SLCO5A1: variants seen among roughly 807,000 people sequenced by gnomAD.
The protein encoded by SLCO5A1 is organic anion transporter polypeptide-related protein 4.
In SLCO5A1, 39 loss-of-function variants were observed where a neutral mutation model predicts 65.1. That is an observed-to-expected ratio of 0.60 (90% CI 0.46 to 0.78). SLCO5A1 has a LOEUF of 0.78. SLCO5A1 is among the 30% of genes least tolerant of loss of function. The pLI is 0.00. For synonymous variants in SLCO5A1, 438 were observed against 415.7 expected, an observed-to-expected ratio of 1.05 and a Z score of -0.65; for missense variants, 1,029 against 1,069.4, an observed-to-expected ratio of 0.96 and a Z score of 0.53.
chr8:69,728,636 A>G (rs749850073), intron 5 of SLCO5A1, among the ~76,000 whole-genome samples: 144 of 152,306 alleles, frequency 9.5e-4, no homozygotes, highest in Non-Finnish European at 1.2e-3. Flanking sequence ...CTTCTGTGCT[A>G]TATGTCTTAT....
chr8:69,828,276 T>TTA lies in SLCO5A1; in HGVS notation c.907+3490_907+3491insTA, dbSNP rs1491381732. ...ACGCATTCATCATTTTTTTTTTTTT[T>TTA]AAAAAAAAAGCAATTTAATCAGTAT... On this transcript the variant is annotated intron_variant, in intron 2 of 9. Coordinates refer to ENST00000260126, the MANE Select transcript of SLCO5A1 (RefSeq NM_030958.3). Among the ~76,000 whole-genome samples the TTA allele has an allele frequency of 4.6e-5, 6 of 131,776 alleles. No individual in the cohort carries two copies. In the East Asian group the frequency reaches 1.3e-3, roughly 29 times the overall value. 86.5% of individuals were successfully genotyped at this position (131,776 alleles called of 152,430 possible).
chr8:69,781,945 C>T (rs1010033129), intron 2 of SLCO5A1, among the ~76,000 whole-genome samples: 2 of 152,202 alleles, frequency 1.3e-5, no homozygotes, highest in African/African-American at 4.8e-5. Context: ...GCATGAGCCA[C>T]TGCGCCCGGC....
intron 2 of SLCO5A1, among the ~76,000 whole-genome samples, chr8:69,777,837 C>G (rs1818623249): frequency 6.6e-6 from 1 of 152,180 alleles, no homozygotes; most frequent in African/African-American, 2.4e-5. Flanking sequence ...GCAGACGGTC[C>G]TTCCTCTGAG....
intron 3 of SLCO5A1, among the ~76,000 whole-genome samples, chr8:69,758,388 C>T (rs1817614013): frequency 6.6e-6 from 1 of 151,892 alleles, no homozygotes; most frequent in South Asian, 2.1e-4. Flanking sequence ...CTATGTTGCC[C>T]AGGTTGGTCT....
intron 5 of SLCO5A1, among the ~76,000 whole-genome samples, chr8:69,721,883 A>G (rs979135744): frequency 3.9e-5 from 6 of 152,126 alleles, no homozygotes; most frequent in African/African-American, 1.4e-4. Context: ...GATGAAATGT[A>G]TTTATAAGCC....
chr8:69,725,118 T>TTA (rs1816002730), intron 5 of SLCO5A1, among the ~76,000 whole-genome samples: 1 of 152,168 alleles, frequency 6.6e-6, no homozygotes, highest in South Asian at 2.1e-4. Context: ...ATGGATACAG[T>TTA]TATAGCATTT....
At chr8:69,765,672 C>T (rs1226626088) in intron 2 of SLCO5A1, among the ~76,000 whole-genome samples, 2 of 152,164 alleles carry the variant, frequency 1.3e-5, no homozygotes, top group East Asian at 3.8e-4. Flanking sequence ...ACTGTCCTAC[C>T]TGGAGTTCAA....
intron 3 of SLCO5A1, among the ~76,000 whole-genome samples, chr8:69,760,695 A>AAT (rs1159022913): frequency 7.9e-5 from 12 of 152,232 alleles, no homozygotes; most frequent in African/African-American, 2.9e-4. Context: ...TCAGGACACC[A>AAT]ATATTTTCAG....
chr8:69,675,960 A>G (rs1461121088), intron 9 of SLCO5A1, among the ~76,000 whole-genome samples: 1 of 152,178 alleles, frequency 6.6e-6, no homozygotes, highest in Non-Finnish European at 1.5e-5. Context: ...CTTATTTCCC[A>G]TTGTCTCAAG....
chr8:69,807,194 AG>A (rs1206215374), intron 2 of SLCO5A1, among the ~76,000 whole-genome samples: 1 of 152,200 alleles, frequency 6.6e-6, no homozygotes, highest in Non-Finnish European at 1.5e-5. Flanking sequence ...TACATGTGTG[AG>A]GGGGTTTTTT....
intron 5 of SLCO5A1, among the ~76,000 whole-genome samples, chr8:69,706,121 A>G (rs1814958659): frequency 6.6e-6 from 1 of 152,254 alleles, no homozygotes; most frequent in Non-Finnish European, 1.5e-5. Flanking sequence ...ACATAGCTAC[A>G]CACAACTTCG....
intron 2 of SLCO5A1, among the ~76,000 whole-genome samples, chr8:69,823,157 G>A (rs1820719667): frequency 6.6e-6 from 1 of 151,994 alleles, no homozygotes; most frequent in Non-Finnish European, 1.5e-5. Flanking sequence ...CTCCTTATAT[G>A]TAAGATATAA....
At chr8:69,733,026 G>T (rs1455309579) in intron 5 of SLCO5A1, among the ~76,000 whole-genome samples, 1 of 152,004 alleles carries the variant, frequency 6.6e-6, no homozygotes, top group Non-Finnish European at 1.5e-5. Flanking sequence ...TAGAAAACTG[G>T]CATAATTAAT....
chr8:69,674,740 G>T (rs920026398), intron 9 of SLCO5A1, among the ~76,000 whole-genome samples: 3 of 151,918 alleles, frequency 2.0e-5, no homozygotes, highest in Non-Finnish European at 2.9e-5. Flanking sequence ...TCTTTTTCTG[G>T]CCAGGCATTG....
chr8:69,761,837 C>T lies in SLCO5A1; in HGVS notation c.946G>A (p.Gly316Arg). Residue 316 changes from glycine to arginine, a missense_variant, in exon 3 of 10, where the codon GGA (glycine) becomes AGA (arginine). By Grantham distance (125) the Gly-to-Arg change is moderately radical. Coordinates refer to ENST00000260126, the MANE Select transcript of SLCO5A1 (RefSeq NM_030958.3). Reference sequence around the variant, plus strand: ...ATAAGAAGTCCACCTAATAAATATCCCACTGCAGGGCCAAGTGCTCCCATG... The same window carrying T: ...ATAAGAAGTCCACCTAATAAATATCTCACTGCAGGGCCAAGTGCTCCCATG... The part of the protein sequence containing the change: ...YVMGALGPAV[G>R]YLLGGLLIGF... The T allele has an allele frequency of 6.2e-7, 1 of 1,613,886 alleles. No individual in the cohort carries two copies. Among genetic ancestry groups the T allele is most frequent in the East Asian group, 2.2e-5 (1 of 44,860 alleles).
intron 6 of SLCO5A1, among the ~76,000 whole-genome samples, chr8:69,687,535 T>C (rs577488872): frequency 6.6e-6 from 1 of 152,312 alleles, no homozygotes; most frequent in African/African-American, 2.4e-5. Flanking sequence ...TCAAATAAAA[T>C]AATGTGTCAC....
At position 69,667,130 on chromosome 8, in the gene SLCO5A1, A is replaced by G. The variant is rs1466208736; in HGVS notation, c.*5739T>C. The G allele has an allele frequency of 6.6e-6, 1 of 152,238 alleles. No homozygotes were observed. 9.4% of individuals were successfully genotyped at this position (152,238 alleles called of 1,614,324 possible). Reference sequence around the variant, plus strand: ...ATTCAAGATGCTGTAAACCAAGATTAGTACATCGACAACAGATTTCATTAA... The same window carrying G: ...ATTCAAGATGCTGTAAACCAAGATTGGTACATCGACAACAGATTTCATTAA... On this transcript the variant is annotated 3_prime_UTR_variant, in exon 10 of 10. Coordinates refer to ENST00000260126, the MANE Select transcript of SLCO5A1 (RefSeq NM_030958.3).
chr8:69,763,369 C>G (rs1165059617), intron 2 of SLCO5A1, among the ~76,000 whole-genome samples: 1 of 150,462 alleles, frequency 6.6e-6, no homozygotes, highest in Non-Finnish European at 1.5e-5. Context: ...AATCCCAGAA[C>G]TTTGGGAGGC....
intron 2 of SLCO5A1, among the ~76,000 whole-genome samples, chr8:69,797,069 G>A (rs868862016): frequency 2.0e-5 from 3 of 152,284 alleles, no homozygotes; most frequent in Middle Eastern, 6.8e-3. Flanking sequence ...CGGGAAGTAA[G>A]GGACCTCAAA....
Sources: allele counts gnomAD v4.1 joint callset (sites outside exome capture counted in the v4.1 genomes callset), GRCh38; gene constraint gnomAD v4.1.1; transcripts MANE v1.5; gene names NCBI Gene and HGNC (gene_info 2026-07-23, HGNC 2026-07-21).